The following STAC variants were observed in gnomAD, a reference collection of about 807,000 sequenced individuals.
The protein encoded by STAC is SH3 and cysteine-rich domain-containing protein.
Under a neutral mutation model 48.8 loss-of-function variants are expected in STAC, and 43 were observed. The ratio of observed to expected loss-of-function variants is 0.88; its 90% CI spans 0.69 to 1.14. The LOEUF (loss-of-function observed/expected upper bound fraction) is 1.14. Ranked by LOEUF, STAC falls within the 50% of genes most tolerant of loss-of-function variation. The pLI is 0.00. For missense variants in STAC, 497 were observed against 504.0 expected (o/e 0.99, Z 0.13); for synonymous variants, 193 against 179.5 (o/e 1.07, Z -0.60).
intron 8 of STAC, among the ~76,000 whole-genome samples, chr3:36,523,821 G>T (rs1698862126): frequency 6.6e-6 from 1 of 152,186 alleles, no homozygotes; most frequent in Non-Finnish European, 1.5e-5. Context: ...CCTAAATTGA[G>T]CCAGTTGGCA....
At position 36,466,357 on chromosome 3, in the gene STAC, T is replaced by C. The variant is rs763463365; in HGVS notation, c.389-16635T>C. Among the ~76,000 whole-genome samples, 50 of 152,200 alleles carry C rather than the reference T, an allele frequency of 3.3e-4. 2 individuals carry two copies. Among genetic ancestry groups the C allele is most frequent in the Admixed American group, 1.3e-4 (2 of 15,272 alleles). ...ATGATGCTTCCAGATTTGTTCTTTT[T>C]GCTTAGTCTTGCTTTGTCTATGTGG... is the stretch of plus-strand genomic sequence containing the variant. On this transcript the variant is annotated intron_variant, in intron 2 of 10. Coordinates refer to ENST00000273183, the MANE Select transcript of STAC (RefSeq NM_003149.3).
intron 1 of STAC, among the ~76,000 whole-genome samples, chr3:36,381,621 C>T (rs1000990946): frequency 2.0e-5 from 3 of 152,044 alleles, no homozygotes; most frequent in Non-Finnish European, 4.4e-5. Context: ...TGAGGCAGTC[C>T]GTGTATACCA....
chr3:36,521,207 G>A (rs1411718007), intron 8 of STAC, among the ~76,000 whole-genome samples: 3 of 151,966 alleles, frequency 2.0e-5, no homozygotes, highest in African/African-American at 4.8e-5. Flanking sequence ...CCTAATGAAT[G>A]AGAAAGGGCA....
At chr3:36,455,812 G>A (rs185962295) in intron 2 of STAC, among the ~76,000 whole-genome samples, 13 of 152,002 alleles carry the variant, frequency 8.6e-5, no homozygotes, top group Admixed American at 6.5e-4. Context: ...CACTTATTAA[G>A]GATAGAGGGA....
At chr3:36,413,118 G>A (rs1468831655) in intron 1 of STAC, among the ~76,000 whole-genome samples, 1 of 152,200 alleles carries the variant, frequency 6.6e-6, no homozygotes, top group Non-Finnish European at 1.5e-5. Context: ...TTTGGAATAG[G>A]TGCAGTGTGG....
At chr3:36,438,189 C>T (rs2125660382) in intron 1 of STAC, among the ~76,000 whole-genome samples, 1 of 152,212 alleles carries the variant, frequency 6.6e-6, no homozygotes, top group African/African-American at 2.4e-5. Flanking sequence ...CGCCCACCTC[C>T]CTAAGTGCTG....
chr3:36,486,413 G>A (rs1237701095), intron 5 of STAC, among the ~76,000 whole-genome samples, 164 bp downstream of exon 5: 1 of 152,142 alleles, frequency 6.6e-6, no homozygotes, highest in Non-Finnish European at 1.5e-5. Flanking sequence ...AGCCACTAAG[G>A]ATTAACTTCC....
intron 1 of STAC, among the ~76,000 whole-genome samples, chr3:36,414,115 C>G (rs750052610): frequency 2.0e-5 from 3 of 152,070 alleles, no homozygotes; most frequent in Non-Finnish European, 4.4e-5. Context: ...ACATTTTTTC[C>G]TTCATTTCAA....
At chr3:36,490,258 A>G (rs1277239086) in intron 5 of STAC, among the ~76,000 whole-genome samples, 2 of 152,152 alleles carry the variant, frequency 1.3e-5, no homozygotes, top group Non-Finnish European at 2.9e-5. Context: ...ACCACGTTGC[A>G]TCTCCTTTCT....
chr3:36,414,652 T>C (rs1700276476), intron 1 of STAC, among the ~76,000 whole-genome samples: 1 of 152,232 alleles, frequency 6.6e-6, no homozygotes. Flanking sequence ...AGTTTGATCG[T>C]CTGAAGCCCT....
chr3:36,399,414 G>T (rs1162183366), intron 1 of STAC, among the ~76,000 whole-genome samples: 2 of 152,208 alleles, frequency 1.3e-5, no homozygotes, highest in African/African-American at 4.8e-5. Flanking sequence ...ATAGACACCT[G>T]ACATAAGTCT....
chr3:36,447,370 T>C (rs1398990356), intron 2 of STAC, among the ~76,000 whole-genome samples: 4 of 152,190 alleles, frequency 2.6e-5, no homozygotes, highest in Non-Finnish European at 5.9e-5. Context: ...GAACATACTT[T>C]AATGCTACAA....
chr3:36,414,878 C>T (rs1459013948), intron 1 of STAC, among the ~76,000 whole-genome samples: 1 of 152,168 alleles, frequency 6.6e-6, no homozygotes, highest in African/African-American at 2.4e-5. Context: ...TGTTAGTTTT[C>T]CTTTTAACAC....
At chr3:36,449,108 G>C (rs1696608564) in intron 2 of STAC, among the ~76,000 whole-genome samples, 1 of 152,028 alleles carries the variant, frequency 6.6e-6, no homozygotes, top group Non-Finnish European at 1.5e-5. Flanking sequence ...AACGGAGTGA[G>C]ACTTCATCTC....
intron 6 of STAC, among the ~76,000 whole-genome samples, chr3:36,503,248 A>G (rs1698320363): frequency 1.3e-5 from 2 of 152,172 alleles, no homozygotes; most frequent in Non-Finnish European, 2.9e-5. Context: ...TATTTACCAC[A>G]TTTTTGTTTA....
At chr3:36,486,712 A>G (rs1044093257) in intron 5 of STAC, among the ~76,000 whole-genome samples, 1 of 146,928 alleles carries the variant, frequency 6.8e-6, no homozygotes, top group Non-Finnish European at 1.5e-5. Context: ...ATTGCACACA[A>G]AAACTGCACT....
At chr3:36,488,374 C>T (rs1575234522) in intron 5 of STAC, among the ~76,000 whole-genome samples, 2 of 152,252 alleles carry the variant, frequency 1.3e-5, no homozygotes, top group African/African-American at 4.8e-5. Context: ...CATGCTTGGG[C>T]AGTGTTAGAA....
intron 2 of STAC, among the ~76,000 whole-genome samples, chr3:36,451,423 A>G (rs1337041355): frequency 1.3e-5 from 2 of 152,142 alleles, no homozygotes; most frequent in Non-Finnish European, 2.9e-5. Context: ...TTAAAAATCA[A>G]TTCAGATTTT....
chr3:36,475,778 T>C (rs1697477349), intron 2 of STAC, among the ~76,000 whole-genome samples: 1 of 152,172 alleles, frequency 6.6e-6, no homozygotes, highest in Non-Finnish European at 1.5e-5. Context: ...TTTCAACATC[T>C]ACTTTGAGGA....
Sources: gnomAD v4.1 joint callset for allele counts (sites outside exome capture counted in the v4.1 genomes callset) on GRCh38, gnomAD v4.1.1 for gene constraint, MANE v1.5 for transcripts, NCBI Gene and HGNC (gene_info 2026-07-23, HGNC 2026-07-21) for gene names.